The following EVA1C variants were observed in gnomAD, a reference collection of about 807,000 sequenced individuals.
The protein encoded by EVA1C is eva-1 homolog C.
A neutral mutation model predicts 45.4 loss-of-function variants in EVA1C; 25 were observed. The observed-to-expected ratio is 0.55, with a 90% CI of 0.40 to 0.77. EVA1C has a LOEUF of 0.77. EVA1C is among the 30% of genes least tolerant of loss of function. EVA1C has a pLI of 0.00. For synonymous variants in EVA1C, 190 were observed against 221.2 expected (o/e 0.86, Z 1.25); for missense variants, 479 against 554.8 (o/e 0.86, Z 1.37).
At chr21:32,466,824 C>CTT (rs34603277) in intron 3 of EVA1C, among the ~76,000 whole-genome samples, 1 of 145,666 alleles carries the variant, frequency 6.9e-6, no homozygotes, top group African/African-American at 2.5e-5. Context: ...ATCTTTCTTG[C>CTT]TTTTTTTTTT....
chr21:32,498,839 C>T (rs1271134838), intron 5 of EVA1C, among the ~76,000 whole-genome samples: 1 of 152,146 alleles, frequency 6.6e-6, no homozygotes, highest in Non-Finnish European at 1.5e-5. Context: ...TTTTCACCAA[C>T]ATATCTGAAG....
At chr21:32,441,251 G>A (rs2035163409) in intron 1 of EVA1C, among the ~76,000 whole-genome samples, 1 of 152,164 alleles carries the variant, frequency 6.6e-6, no homozygotes, top group South Asian at 2.1e-4. Flanking sequence ...TACGTAGCAA[G>A]ATAAAGCAGA....
At chr21:32,446,916 C>G (rs1013475770) in intron 1 of EVA1C, among the ~76,000 whole-genome samples, 2 of 152,188 alleles carry the variant, frequency 1.3e-5, no homozygotes, top group Admixed American at 6.5e-5. Context: ...GCCTTTCCAG[C>G]CTGCTGTGTG....
chr21:32,483,136 G>A (rs2036852972), intron 4 of EVA1C, among the ~76,000 whole-genome samples: 1 of 152,124 alleles, frequency 6.6e-6, no homozygotes, highest in Admixed American at 6.5e-5. Flanking sequence ...TGGGATTACA[G>A]GGATGAGCCA....
At chr21:32,413,100 A>G in intron 1 of EVA1C, 87 bp downstream of exon 1, 5 of 1,148,548 alleles carry the variant, frequency 4.4e-6, no homozygotes, top group Non-Finnish European at 4.5e-6. Flanking sequence ...ACCAGTGGAC[A>G]CGGCGGGGTA....
At chr21:32,493,398 A>T (rs543950139) in intron 4 of EVA1C, among the ~76,000 whole-genome samples, 1 of 152,152 alleles carries the variant, frequency 6.6e-6, no homozygotes, top group East Asian at 1.9e-4. Flanking sequence ...AAGCCTTTGA[A>T]AGTGTCTCTG....
At chr21:32,482,519 C>G (rs1036196540) in intron 4 of EVA1C, among the ~76,000 whole-genome samples, 1 of 152,184 alleles carries the variant, frequency 6.6e-6, no homozygotes, top group Non-Finnish European at 1.5e-5. Context: ...CCCCTACCTG[C>G]CCAGTCCCTG....
chr21:32,466,216 C>G (rs1163734715), intron 3 of EVA1C, among the ~76,000 whole-genome samples: 2 of 152,110 alleles, frequency 1.3e-5, no homozygotes, highest in African/African-American at 4.8e-5. Context: ...GTCAGGAGAT[C>G]AAGACCATCC....
chr21:32,476,380 G>T (rs1048986500), intron 4 of EVA1C, among the ~76,000 whole-genome samples: 1 of 152,092 alleles, frequency 6.6e-6, no homozygotes, highest in Non-Finnish European at 1.5e-5. Context: ...GGTGGCTCAC[G>T]ACTGGAATCC....
intron 7 of EVA1C, among the ~76,000 whole-genome samples, chr21:32,505,027 G>A (rs1299619618): frequency 1.3e-5 from 2 of 152,042 alleles, no homozygotes; most frequent in East Asian, 3.9e-4. Context: ...CAGATCTCGT[G>A]AGACTTATTC....
At chr21:32,490,074 G>T (rs972267763) in intron 4 of EVA1C, among the ~76,000 whole-genome samples, 3 of 152,134 alleles carry the variant, frequency 2.0e-5, no homozygotes, top group Non-Finnish European at 4.4e-5. Context: ...AAAGTGCTGG[G>T]ATTACAGACA....
At chr21:32,414,801 A>G (rs1313459396) in intron 1 of EVA1C, among the ~76,000 whole-genome samples, 1 of 152,234 alleles carries the variant, frequency 6.6e-6, no homozygotes, top group Non-Finnish European at 1.5e-5. Context: ...GCCACCCACA[A>G]CGAGCCCCCA....
intron 2 of EVA1C, among the ~76,000 whole-genome samples, chr21:32,455,844 T>C (rs144540145): frequency 2.0e-5 from 3 of 152,292 alleles, no homozygotes; most frequent in East Asian, 3.9e-4. Context: ...AACATCCCCA[T>C]GCGCTACTCT....
chr21:32,496,852 A>G, intron 5 of EVA1C: 2 of 931,108 alleles, frequency 2.1e-6, no homozygotes, highest in Non-Finnish European at 3.6e-6. Flanking sequence ...TGGCATAGTG[A>G]CAGCTAAATC....
chr21:32,469,386 T>C (rs2036293369), intron 4 of EVA1C, among the ~76,000 whole-genome samples: 1 of 152,062 alleles, frequency 6.6e-6, no homozygotes, highest in Non-Finnish European at 1.5e-5. Flanking sequence ...CTGCAGCCAG[T>C]TGGGGACAAG....
Position 32,495,024 on chromosome 21 carries a change from C to T in EVA1C, c.635-3C>T. The T allele has an allele frequency of 1.2e-6, 2 of 1,613,454 alleles. No individual in the cohort carries two copies. Among genetic ancestry groups the T allele is most frequent in the Non-Finnish European group, 1.7e-6 (2 of 1,179,692 alleles). ...GAAGTTCTGGGTGTTTCCTGCCTTT[C>T]AGATTGCTTGTCTTACTCAGCTTTG... is the stretch of plus-strand genomic sequence containing the variant. On this transcript the variant is annotated splice_region_variant and splice_polypyrimidine_tract_variant and intron_variant, in intron 4 of 7. Coordinates refer to ENST00000300255, the MANE Select transcript of EVA1C (RefSeq NM_058187.5).
intron 1 of EVA1C, among the ~76,000 whole-genome samples, chr21:32,441,471 G>A (rs577576898): frequency 2.4e-4 from 37 of 151,386 alleles, no homozygotes; most frequent in African/African-American, 6.8e-4. Context: ...AGAAGGCACC[G>A]TGGCTGAAGT....
At chr21:32,457,752 G>A in intron 3 of EVA1C, 32 bp downstream of exon 3, 1 of 1,613,072 alleles carries the variant, frequency 6.2e-7, no homozygotes, top group East Asian at 2.2e-5. Context: ...CAGTGTGTTT[G>A]GGGTGTGGTT....
At chr21:32,463,792 A>G (rs529642018) in intron 3 of EVA1C, among the ~76,000 whole-genome samples, 5 of 152,304 alleles carry the variant, frequency 3.3e-5, no homozygotes, top group Admixed American at 1.3e-4. Flanking sequence ...AAAAAAAGAA[A>G]AAAAAAAGAC....
Sources: allele counts gnomAD v4.1 joint callset (sites outside exome capture counted in the v4.1 genomes callset), GRCh38; gene constraint gnomAD v4.1.1; transcripts MANE v1.5; gene names NCBI Gene and HGNC (gene_info 2026-07-23, HGNC 2026-07-21).